PRKN: variants seen among roughly 807,000 people sequenced by gnomAD.
PRKN encodes E3 ubiquitin-protein ligase parkin.
Under a neutral mutation model 59.5 loss-of-function variants are expected in PRKN, and 56 were observed. That is an observed-to-expected ratio of 0.94 (90% CI 0.76 to 1.18). The LOEUF (loss-of-function observed/expected upper bound fraction) is 1.18, where lower values mean the gene tolerates loss of function less well. Ranked by LOEUF, PRKN falls within the 50% of genes most tolerant of loss-of-function variation. The pLI is 0.00. For synonymous variants in PRKN, 250 were observed against 222.1 expected (o/e 1.13, Z -1.12); for missense variants, 657 against 596.4 (o/e 1.10, Z -1.06).
intron 2 of PRKN, among the ~76,000 whole-genome samples, chr6:162,324,097 C>T (rs1462022748): frequency 6.6e-6 from 1 of 151,668 alleles, no homozygotes; most frequent in Non-Finnish European, 1.5e-5. Context: ...TACCCACTTA[C>T]CTGATCATTT....
intron 1 of PRKN, among the ~76,000 whole-genome samples, chr6:162,513,885 C>G (rs1270816723): frequency 6.6e-6 from 1 of 151,818 alleles, no homozygotes; most frequent in Non-Finnish European, 1.5e-5. Flanking sequence ...GAAACCCCAT[C>G]TCTACTAAAA....
In PRKN at chr6:161,409,616, A is replaced by G. The variant is rs1787432423; in HGVS notation, c.1084-22739T>C. Among the ~76,000 whole-genome samples, 2 of 152,216 alleles carry G rather than the reference A, an allele frequency of 1.3e-5. No individual in the cohort carries two copies. Among genetic ancestry groups the G allele is most frequent in the South Asian group, 4.1e-4 (2 of 4,834 alleles). On this transcript the variant is annotated intron_variant, in intron 9 of 11. Transcript: ENST00000366898. The surrounding 1 kb of genome is among the most constrained non-coding windows in gnomAD (Gnocchi z 4.6). Reference sequence around the variant, plus strand: ...TGGAATCACATAAGGCCGTCACTATAAAAATGAAAGCAAGCCCAACCTTGG... The same window carrying G: ...TGGAATCACATAAGGCCGTCACTATGAAAATGAAAGCAAGCCCAACCTTGG...
At chr6:162,380,364 A>G (rs1786364767) in intron 2 of PRKN, among the ~76,000 whole-genome samples, 1 of 149,698 alleles carries the variant, frequency 6.7e-6, no homozygotes, top group Middle Eastern at 3.5e-3. Flanking sequence ...TTCATTTAGG[A>G]AAGGAAATGT....
chr6:162,449,444 C>T (rs974127469), intron 1 of PRKN, among the ~76,000 whole-genome samples: 1 of 152,182 alleles, frequency 6.6e-6, no homozygotes, highest in Non-Finnish European at 1.5e-5. Flanking sequence ...GGACTCATAG[C>T]TCAATGTTAA....
chr6:162,644,829 G>C (rs1778102175), intron 1 of PRKN, among the ~76,000 whole-genome samples: 2 of 152,190 alleles, frequency 1.3e-5, no homozygotes, highest in Non-Finnish European at 2.9e-5. Flanking sequence ...TTTGGTTGAA[G>C]TCCCTGCACT....
intron 1 of PRKN, among the ~76,000 whole-genome samples, chr6:162,511,132 C>G (rs540277452): frequency 3.0e-4 from 46 of 152,030 alleles, no homozygotes; most frequent in Admixed American, 9.2e-4. Context: ...AGAAAATAAC[C>G]CAGTAATTTT....
intron 1 of PRKN, among the ~76,000 whole-genome samples, chr6:162,534,014 C>T (rs1178681490): frequency 6.7e-6 from 1 of 148,534 alleles, no homozygotes; most frequent in East Asian, 2.0e-4. Flanking sequence ...ATTAATAAGA[C>T]AAATGTACAT....
Position 161,445,553 on chromosome 6 carries a change from A to G in PRKN, c.1084-58676T>C, listed in dbSNP as rs1789444497. Among the ~76,000 whole-genome samples the G allele has an allele frequency of 6.6e-6, 1 of 152,214 alleles. No homozygotes were observed. The highest frequency in any genetic ancestry group is 6.5e-5 in the Admixed American group (1 of 15,286). On this transcript the variant is annotated intron_variant, in intron 9 of 11. Coordinates refer to ENST00000366898, the MANE Select transcript of PRKN (RefSeq NM_004562.3). The surrounding 1 kb of genome is among the most constrained non-coding windows in gnomAD (Gnocchi z 7.7). ...CTGGACTTCAAGGCATCGAAGTGTCAGCTGGCTGCCATCCCAGCGTCTGAC... is the reference window on the plus strand; with the variant it reads ...CTGGACTTCAAGGCATCGAAGTGTCGGCTGGCTGCCATCCCAGCGTCTGAC...
chr6:162,406,784 G>A (rs750508812), intron 2 of PRKN, among the ~76,000 whole-genome samples: 2 of 152,018 alleles, frequency 1.3e-5, no homozygotes, highest in Non-Finnish European at 2.9e-5. Context: ...TCTTCCACAC[G>A]GGTGCATGGC....
intron 1 of PRKN, among the ~76,000 whole-genome samples, chr6:162,515,834 C>A (rs1200722463): frequency 6.6e-6 from 1 of 152,114 alleles, no homozygotes; most frequent in Non-Finnish European, 1.5e-5. Flanking sequence ...GTTCTTCTTT[C>A]TTCCTGAAAA....
chr6:162,239,622 C>T (rs1778901396), intron 3 of PRKN, among the ~76,000 whole-genome samples: 1 of 151,738 alleles, frequency 6.6e-6, no homozygotes, highest in Admixed American at 6.6e-5. Flanking sequence ...GGAAAGAACC[C>T]AGAACAAATG....
rs145083453 is a variant in PRKN, at chr6:161,475,023, G to A, written c.1083+73831C>T. On this transcript the variant is annotated intron_variant, in intron 9 of 11. Transcript: ENST00000366898. The surrounding 1 kb of genome is among the most constrained non-coding windows in gnomAD (Gnocchi z 5.3). ...GGGTTCAAGTGATTCTCCTGCCTCA[G>A]CCTCCCAAGTAGCTGGGACTACAGG... Among the ~76,000 whole-genome samples the A allele has an allele frequency of 0.026, 3,921 of 151,798 alleles. 71 individuals carry two copies. The highest frequency in any genetic ancestry group is 0.051 in the Middle Eastern group (15 of 294).
chr6:162,552,268 G>A (rs1236719778), intron 1 of PRKN, among the ~76,000 whole-genome samples: 1 of 152,186 alleles, frequency 6.6e-6, no homozygotes, highest in Non-Finnish European at 1.5e-5. Flanking sequence ...GACTTAAAGT[G>A]CTAAGTGCAA....
chr6:161,846,565 T>C (rs1056449158), intron 6 of PRKN, among the ~76,000 whole-genome samples: 2 of 151,950 alleles, frequency 1.3e-5, no homozygotes, highest in Non-Finnish European at 2.9e-5. Flanking sequence ...AATACAGGTA[T>C]ATCCAAAGGA....
At chr6:162,442,277 T>C (rs1218795253) in intron 2 of PRKN, among the ~76,000 whole-genome samples, 2 of 152,192 alleles carry the variant, frequency 1.3e-5, no homozygotes, top group Non-Finnish European at 2.9e-5. Context: ...TTGTGTACTC[T>C]GACCCAGGAG....
At chr6:162,278,955 T>TGA (rs751093777) in intron 2 of PRKN, among the ~76,000 whole-genome samples, 18 of 151,550 alleles carry the variant, frequency 1.2e-4, no homozygotes, top group South Asian at 1.0e-3. Context: ...TATAAATAGA[T>TGA]TTTTTTAAAA....
intron 1 of PRKN, among the ~76,000 whole-genome samples, chr6:162,590,011 T>C (rs1277741083): frequency 1.3e-5 from 2 of 152,190 alleles, no homozygotes; most frequent in African/African-American, 4.8e-5. Context: ...AATTTGTGAA[T>C]GAGACACCAA....
In PRKN at chr6:161,462,789, C is replaced by T. The variant is rs924065873; in HGVS notation, c.1084-75912G>A. ...TAGCAATAAAAACACACAGAATACA[C>T]TTTCATCCCAAAATTGGCATACTTT... On this transcript the variant is annotated intron_variant, in intron 9 of 11. Transcript: ENST00000366898. The surrounding 1 kb of genome is among the most constrained non-coding windows in gnomAD (Gnocchi z 4.5). Among the ~76,000 whole-genome samples, 1 of 152,214 alleles carries T rather than the reference C, an allele frequency of 6.6e-6. No homozygotes were observed. The highest frequency in any genetic ancestry group is 1.5e-5 in the Non-Finnish European group (1 of 68,048).
chr6:162,706,984 C>T (rs1584088812), intron 1 of PRKN, among the ~76,000 whole-genome samples: 1 of 152,008 alleles, frequency 6.6e-6, no homozygotes, highest in Admixed American at 6.6e-5. Context: ...ATTCTTGGAT[C>T]AAAAATTTCA....
Sources: allele counts gnomAD v4.1 joint callset (sites outside exome capture counted in the v4.1 genomes callset), GRCh38; gene constraint gnomAD v4.1.1; non-coding constraint Gnocchi (gnomAD v3.1); transcripts MANE v1.5; gene names NCBI Gene and HGNC (gene_info 2026-07-23, HGNC 2026-07-21).